Variants in SIPA1L1 observed in about 807,000 individuals in gnomAD.
The protein encoded by SIPA1L1 is signal induced proliferation associated 1 like 1, also known as signal-induced proliferation-associated 1-like protein 1.
SIPA1L1 carries 26 observed loss-of-function variants against 162.7 expected under a neutral mutation model. That is an observed-to-expected ratio of 0.16 (90% CI 0.12 to 0.22). The LOEUF is 0.22. Ranked by LOEUF, SIPA1L1 falls within the 10% of genes least tolerant of loss-of-function variation. The pLI is 1.00. For synonymous variants in SIPA1L1, 829 were observed against 837.4 expected (o/e 0.99, Z 0.17); for missense variants, 1,874 against 2,241.0 (o/e 0.84, Z 3.31).
At chr14:71,680,202 A>G (rs1484898823) in intron 12 of SIPA1L1, among the ~76,000 whole-genome samples, 1 of 152,226 alleles carries the variant, frequency 6.6e-6, no homozygotes. Context: ...CAAATGTAAA[A>G]CAACAGAAAT....
At chr14:71,609,443 TTTA>T (rs2037932367) in intron 5 of SIPA1L1, among the ~76,000 whole-genome samples, 1 of 70,310 alleles carries the variant, frequency 1.4e-5, no homozygotes, top group African/African-American at 9.7e-5. Flanking sequence ...TAATATTTTA[TTTA>T]TTTATTTATT....
intron 2 of SIPA1L1, among the ~76,000 whole-genome samples, chr14:71,457,713 G>A (rs1196083963): frequency 2.0e-5 from 3 of 152,000 alleles, no homozygotes; most frequent in Admixed American, 2.0e-4. Flanking sequence ...TCCTGCCTTA[G>A]CCTCCTAAGT....
At chr14:71,508,111 G>C (rs1463925781) in intron 2 of SIPA1L1, among the ~76,000 whole-genome samples, 1 of 152,208 alleles carries the variant, frequency 6.6e-6, no homozygotes, top group Non-Finnish European at 1.5e-5. Flanking sequence ...CACCATTGCT[G>C]TTTGGGAATG....
At chr14:71,518,620 G>A (rs1388796540) in intron 3 of SIPA1L1, among the ~76,000 whole-genome samples, 4 of 151,872 alleles carry the variant, frequency 2.6e-5, no homozygotes, top group South Asian at 4.2e-4. Context: ...ACTAGTATTG[G>A]CACCATTGAT....
chr14:71,376,457 G>A (rs748835555), intron 2 of SIPA1L1, among the ~76,000 whole-genome samples: 2 of 151,368 alleles, frequency 1.3e-5, no homozygotes, highest in Non-Finnish European at 2.9e-5. Flanking sequence ...GAGGTTCCAC[G>A]TGATCCAGAT....
At chr14:71,440,268 C>T (rs547530719) in intron 2 of SIPA1L1, among the ~76,000 whole-genome samples, 1 of 152,124 alleles carries the variant, frequency 6.6e-6, no homozygotes, top group Non-Finnish European at 1.5e-5. Context: ...CTCAGGCAGT[C>T]TGCCTGTCTC....
chr14:71,539,674 T>C (rs947461449), intron 4 of SIPA1L1, among the ~76,000 whole-genome samples: 3 of 152,210 alleles, frequency 2.0e-5, no homozygotes, highest in African/African-American at 7.2e-5. Flanking sequence ...AGCTTTTATA[T>C]AGAATAATGC....
intron 2 of SIPA1L1, among the ~76,000 whole-genome samples, chr14:71,484,561 A>G (rs573409432): frequency 3.3e-5 from 5 of 152,290 alleles, no homozygotes; most frequent in Admixed American, 3.3e-4. Context: ...TTTAGGAACT[A>G]GGGCCAGAGA....
intron 2 of SIPA1L1, among the ~76,000 whole-genome samples, chr14:71,448,188 C>T (rs2045558220): frequency 6.6e-6 from 1 of 152,146 alleles, no homozygotes; most frequent in Admixed American, 6.6e-5. Context: ...AGTTCTCTTT[C>T]CTTTATTTTG....
Position 71,567,780 on chromosome 14 carries a change from G to T in SIPA1L1, c.-302-19791G>T, listed in dbSNP as rs192973314. Among the ~76,000 whole-genome samples the T allele has an allele frequency of 3.1e-3, 457 of 148,236 alleles. 5 individuals carry two copies. The highest frequency in any genetic ancestry group is 0.011 in the African/African-American group (428 of 39,816). ...GAGCAGCAGCATGGGCTGCTCAATGGAGCAAACTTATAGTTATTTCTTGAT... is the reference window on the plus strand; with the variant it reads ...GAGCAGCAGCATGGGCTGCTCAATGTAGCAAACTTATAGTTATTTCTTGAT... On this transcript the variant is annotated intron_variant, in intron 4 of 23. Transcript: ENST00000381232.
At chr14:71,420,364 C>T (rs1206342719) in intron 2 of SIPA1L1, among the ~76,000 whole-genome samples, 1 of 152,116 alleles carries the variant, frequency 6.6e-6, no homozygotes, top group Non-Finnish European at 1.5e-5. Context: ...TGGCATTATT[C>T]GAACAGGGCA....
chr14:71,397,002 C>T (rs1385468622), intron 2 of SIPA1L1, among the ~76,000 whole-genome samples: 2 of 152,142 alleles, frequency 1.3e-5, no homozygotes, highest in African/African-American at 4.8e-5. Context: ...GGACAAATTT[C>T]AAAATGCCCA....
rs35387927 is a variant in SIPA1L1 at position 71,393,776 on chromosome 14, A to G, written c.-465+72595A>G. On this transcript the variant is annotated intron_variant, in intron 2 of 23. Coordinates refer to ENST00000381232, the MANE Select transcript of SIPA1L1 (RefSeq NM_001386936.1). ...GTCAAGACTGCAGTGAGCCATGATCATGCTACTGCATTTAAGCCTGGGTGA... is the reference window on the plus strand; with the variant it reads ...GTCAAGACTGCAGTGAGCCATGATCGTGCTACTGCATTTAAGCCTGGGTGA... 4.7e-3 allele frequency among the ~76,000 whole-genome samples: 711 copies of G among 152,324 alleles called. 5 individuals carry two copies. The highest frequency in any genetic ancestry group is 6.8e-3 in the Middle Eastern group (2 of 294).
intron 2 of SIPA1L1, among the ~76,000 whole-genome samples, chr14:71,365,891 A>C (rs113446971): frequency 3.2e-5 from 3 of 95,110 alleles, no homozygotes; most frequent in South Asian, 3.2e-4. Flanking sequence ...ATGCCTGGTT[A>C]ATTTTTTTTT....
At chr14:71,455,700 A>C (rs554987450) in intron 2 of SIPA1L1, among the ~76,000 whole-genome samples, 1 of 152,170 alleles carries the variant, frequency 6.6e-6, no homozygotes. Context: ...GGATGTTCTC[A>C]TGTTACTAAT....
chr14:71,334,906 A>T (rs188908809), intron 2 of SIPA1L1, among the ~76,000 whole-genome samples: 24 of 152,328 alleles, frequency 1.6e-4, no homozygotes, highest in Admixed American at 1.6e-3. Context: ...GTCATTTTGA[A>T]TTTATTAAAT....
At chr14:71,513,087 G>A (rs2051328555) in intron 3 of SIPA1L1, among the ~76,000 whole-genome samples, 2 of 152,052 alleles carry the variant, frequency 1.3e-5, no homozygotes, top group South Asian at 4.1e-4. Flanking sequence ...AACCACCTTG[G>A]GCACGTATTC....
intron 3 of SIPA1L1, among the ~76,000 whole-genome samples, chr14:71,518,657 C>T (rs905968239): frequency 3.3e-5 from 5 of 151,892 alleles, no homozygotes; most frequent in Admixed American, 6.6e-5. Flanking sequence ...TTTAAAATGT[C>T]CTGCTGGATG....
chr14:71,610,811 C>G (rs562196271), intron 5 of SIPA1L1, among the ~76,000 whole-genome samples: 9 of 152,272 alleles, frequency 5.9e-5, no homozygotes, highest in Admixed American at 5.9e-4. Flanking sequence ...TTAGGTGCTA[C>G]TTTAGATACT....
Sources: gnomAD v4.1 joint callset for allele counts (sites outside exome capture counted in the v4.1 genomes callset) on GRCh38, gnomAD v4.1.1 for gene constraint, MANE v1.5 for transcripts, NCBI Gene and HGNC (gene_info 2026-07-23, HGNC 2026-07-21) for gene names.